GLO1: variants seen among roughly 807,000 people sequenced by gnomAD.
GLO1 encodes the protein lactoylglutathione lyase.
GLO1 carries 28 observed loss-of-function variants against 26.0 expected under a neutral mutation model. That is an observed-to-expected ratio of 1.08 (90% CI 0.80 to 1.48). GLO1 has a LOEUF of 1.48. Ranked by LOEUF, GLO1 falls within the 40% of genes most tolerant of loss-of-function variation. The pLI, the probability that GLO1 is intolerant of heterozygous loss-of-function variation, is 0.00. For synonymous variants in GLO1, 78 were observed against 77.6 expected (o/e 1.00, Z -0.03); for missense variants, 225 against 224.8 (o/e 1.00, Z -0.01).
At chr6:38,688,534 G>A (rs150063791) in intron 1 of GLO1, among the ~76,000 whole-genome samples, 108 of 152,288 alleles carry the variant, frequency 7.1e-4, no homozygotes, top group African/African-American at 2.5e-3. Context: ...TTCTTTCCCA[G>A]CTAATATGAG....
intron 3 of GLO1, 173 bp from the exon 4 acceptor site, chr6:38,683,048 G>T (rs1315188506): frequency 3.5e-6 from 2 of 568,126 alleles, no homozygotes; most frequent in African/African-American, 3.7e-5. Flanking sequence ...GCCAAAGTAT[G>T]ATTTTAACGA....
At chr6:38,693,945 C>T (rs1331776146) in intron 1 of GLO1, among the ~76,000 whole-genome samples, 2 of 151,998 alleles carry the variant, frequency 1.3e-5, no homozygotes, top group African/African-American at 4.8e-5. Flanking sequence ...CTCCTGACCT[C>T]GTGATCCGCC....
rs549290870 is a variant in GLO1 at position 38,679,374 on chromosome 6, T to C, written c.467-1991A>G. Among the ~76,000 whole-genome samples, 164 of 152,268 alleles carry C rather than the reference T, an allele frequency of 1.1e-3. 2 individuals are homozygous for C. Among genetic ancestry groups the C allele is most frequent in the Middle Eastern group, 6.8e-3 (2 of 294 alleles). ...ATGCAATGGCACAATCATAGCTCAC[T>C]GCAGCCTTGAACTGCTGGCCTCAAG... On this transcript the variant is annotated intron_variant, in intron 5 of 5. Coordinates refer to ENST00000373365, the MANE Select transcript of GLO1 (RefSeq NM_006708.3).
Position 38,678,270 on chromosome 6 carries a change from C to T in GLO1, c.467-887G>A, listed in dbSNP as rs1476846438. On this transcript the variant is annotated intron_variant, in intron 5 of 5. Transcript: ENST00000373365. ...TATCTCTGCCTCCTTTCTCCAAGAT[C>T]AATCCTAGAGGAACATAGATGGAAA... is the stretch of plus-strand genomic sequence containing the variant. 2.0e-5 allele frequency among the ~76,000 whole-genome samples: 3 copies of T among 149,998 alleles called. No homozygotes were observed. The South Asian group carries it at 6.3e-4, about 31-fold the overall frequency.
At chr6:38,701,591 C>A (rs1424266502) in intron 1 of GLO1, among the ~76,000 whole-genome samples, 1 of 152,002 alleles carries the variant, frequency 6.6e-6, no homozygotes, top group African/African-American at 2.4e-5. Context: ...ATGAAAAAAC[C>A]AGGTATTAAT....
chr6:38,681,727 A>C (rs1468495006), intron 5 of GLO1, among the ~76,000 whole-genome samples: 1 of 152,192 alleles, frequency 6.6e-6, no homozygotes, highest in Non-Finnish European at 1.5e-5. Context: ...GCTGGTGGCC[A>C]ATGAAAGAAA....
chr6:38,682,122 A>T, intron 4 of GLO1, 21 bp from the exon 5 acceptor site: 1 of 1,259,048 alleles, frequency 7.9e-7, no homozygotes, highest in Non-Finnish European at 1.2e-6. Context: ...ACCCCCCGAA[A>T]AAAGCAGAGA....
At position 38,676,093 on chromosome 6, in the gene GLO1, G is replaced by A. The variant is rs1442290005; in HGVS notation, c.*1202C>T. On this transcript the variant is annotated 3_prime_UTR_variant, in exon 6 of 6. Coordinates refer to ENST00000373365, the MANE Select transcript of GLO1 (RefSeq NM_006708.3). ...TGGCCTTTCCAAAGGTCTTCCACTA[G>A]AGTCTAGAGAAATCTAAATATAGTC... 1.3e-5 allele frequency: 2 copies of A among 152,104 alleles called. No individual in the cohort carries two copies. Among genetic ancestry groups the A allele is most frequent in the Non-Finnish European group, 2.9e-5 (2 of 68,016 alleles). The allele number at this position is 152,104 out of a possible 1,614,324, so 9.4% of individuals were successfully genotyped here.
intron 2 of GLO1, among the ~76,000 whole-genome samples, chr6:38,686,369 C>T (rs1224127896): frequency 1.3e-5 from 2 of 152,036 alleles, no homozygotes; most frequent in Admixed American, 6.6e-5. Context: ...AAAATTATTT[C>T]TCAATATACC....
At chr6:38,699,742 T>C (rs1240457528) in intron 1 of GLO1, among the ~76,000 whole-genome samples, 1 of 152,092 alleles carries the variant, frequency 6.6e-6, no homozygotes, top group East Asian at 1.9e-4. Flanking sequence ...GGAAAAAACT[T>C]CACCCTAGTA....
intron 1 of GLO1, among the ~76,000 whole-genome samples, chr6:38,693,729 G>C (rs564384137): frequency 7.6e-6 from 1 of 131,326 alleles, no homozygotes; most frequent in South Asian, 2.4e-4. Context: ...GTTTTGTTTT[G>C]AGACAGAGTC....
chr6:38,686,860 A>G, intron 2 of GLO1, 32 bp downstream of exon 2: 1 of 1,144,104 alleles, frequency 8.7e-7, no homozygotes, highest in Admixed American at 1.8e-5. Context: ...TATATATTTA[A>G]ACATTAAGGT....
At chr6:38,687,085 A>G (rs1403229550) in intron 1 of GLO1, 111 bp from the exon 2 acceptor site, 2 of 1,469,646 alleles carry the variant, frequency 1.4e-6, no homozygotes, top group East Asian at 5.1e-5. Flanking sequence ...ACCACCTACA[A>G]CTTGCAAGGG....
intron 2 of GLO1, among the ~76,000 whole-genome samples, chr6:38,686,483 C>T (rs933003352): frequency 6.6e-6 from 1 of 152,108 alleles, no homozygotes; most frequent in African/African-American, 2.4e-5. Flanking sequence ...CAAAAGAAAA[C>T]ACAGCCTAGA....
chr6:38,691,838 A>G (rs1428573405), intron 1 of GLO1, among the ~76,000 whole-genome samples: 3 of 152,018 alleles, frequency 2.0e-5, no homozygotes, highest in Non-Finnish European at 2.9e-5. Context: ...TGTTGAGGCT[A>G]TCCTCCCTCT....
intron 5 of GLO1, 80 bp downstream of exon 5, chr6:38,681,932 T>A (rs1223500489): frequency 2.6e-6 from 2 of 775,150 alleles, no homozygotes; most frequent in African/African-American, 3.4e-5. Context: ...CAAAAGGGTT[T>A]TACTACAACA....
At chr6:38,679,347 G>C (rs529178169) in intron 5 of GLO1, among the ~76,000 whole-genome samples, 1 of 151,864 alleles carries the variant, frequency 6.6e-6, no homozygotes, top group African/African-American at 2.4e-5. Context: ...ACCCAGGCTG[G>C]AATGCAATGG....
chr6:38,687,112 A>G (rs1761471114), intron 1 of GLO1, 138 bp from the exon 2 acceptor site: 3 of 1,428,790 alleles, frequency 2.1e-6, no homozygotes, highest in South Asian at 3.2e-5. Flanking sequence ...GCTCAGTGGT[A>G]TCTTCTGGTT....
chr6:38,692,792 T>G (rs764224267), intron 1 of GLO1, among the ~76,000 whole-genome samples: 12 of 151,366 alleles, frequency 7.9e-5, no homozygotes, highest in Admixed American at 4.6e-4. Context: ...GATATGATCA[T>G]GTGATTCTTC....
Sources: allele counts gnomAD v4.1 joint callset (sites outside exome capture counted in the v4.1 genomes callset), GRCh38; gene constraint gnomAD v4.1.1; transcripts MANE v1.5; gene names NCBI Gene and HGNC (gene_info 2026-07-23, HGNC 2026-07-21).